Variants in STK32B observed in about 807,000 individuals in gnomAD.
STK32B encodes serine/threonine-protein kinase 32B.
A neutral mutation model predicts 52.6 loss-of-function variants in STK32B; 43 were observed. The ratio of observed to expected loss-of-function variants is 0.82; its 90% CI spans 0.64 to 1.05. The LOEUF (loss-of-function observed/expected upper bound fraction) is 1.05, where lower values mean the gene tolerates loss of function less well. Ranked by LOEUF, STK32B falls within the 50% of genes least tolerant of loss-of-function variation. STK32B has a pLI of 0.00. For synonymous variants in STK32B, 238 were observed against 204.3 expected (o/e 1.17, Z -1.41); for missense variants, 621 against 534.6 (o/e 1.16, Z -1.59).
intron 3 of STK32B, among the ~76,000 whole-genome samples, chr4:5,236,953 A>C (rs941884455): frequency 3.9e-5 from 6 of 152,196 alleles, no homozygotes; most frequent in African/African-American, 1.4e-4. Context: ...ACATGCTGTC[A>C]AACATTTTGC....
At chr4:5,231,884 G>A (rs1182402531) in intron 3 of STK32B, among the ~76,000 whole-genome samples, 3 of 152,176 alleles carry the variant, frequency 2.0e-5, no homozygotes, top group Non-Finnish European at 4.4e-5. Context: ...GGAAGGATTA[G>A]CAGAGCCTTG....
At chr4:5,160,577 C>A (rs554122724) in intron 2 of STK32B, among the ~76,000 whole-genome samples, 169 of 152,274 alleles carry the variant, frequency 1.1e-3, no homozygotes, top group South Asian at 4.1e-3. Flanking sequence ...GGTTTAGGAT[C>A]CCCCTTCTGG....
intron 1 of STK32B, among the ~76,000 whole-genome samples, chr4:5,089,737 T>C (rs71260510): frequency 6.6e-6 from 1 of 152,180 alleles, no homozygotes; most frequent in African/African-American, 2.4e-5. Flanking sequence ...GATTGCTGGG[T>C]CAAATGGTAT....
intron 3 of STK32B, among the ~76,000 whole-genome samples, chr4:5,305,546 A>G (rs1267618522): frequency 3.9e-5 from 6 of 152,004 alleles, no homozygotes; most frequent in Non-Finnish European, 8.8e-5. Flanking sequence ...ATCAGTTGTA[A>G]TACCTCCCAT....
In STK32B at chr4:5,416,896, A is replaced by G; in HGVS notation, c.524A>G (p.Glu175Gly). Reference sequence around the variant, plus strand: ...ATAGCGACGGTAGTGAAAGGAGCAGAAAGGGCTTCCTCCATGGCTGGCACC... The same window carrying G: ...ATAGCGACGGTAGTGAAAGGAGCAGGAAGGGCTTCCTCCATGGCTGGCACC... ...FNIATVVKGA[E>G]RASSMAGTKP... Residue 175 changes from glutamate to glycine, a missense_variant, in exon 6 of 12, where the codon GAA (glutamate) becomes GGA (glycine). Physicochemically the swap from Glu to Gly is moderately conservative, Grantham distance 98. Transcript: ENST00000282908. 1.2e-6 allele frequency: 2 copies of G among 1,613,914 alleles called. No individual in the cohort carries two copies. The highest frequency in any genetic ancestry group is 1.7e-6 in the Non-Finnish European group (2 of 1,179,922).
At chr4:5,318,731 G>C (rs929867272) in intron 3 of STK32B, among the ~76,000 whole-genome samples, 1 of 152,162 alleles carries the variant, frequency 6.6e-6, no homozygotes, top group African/African-American at 2.4e-5. Flanking sequence ...CCAGAGCAAA[G>C]AGTTCATTCT....
At chr4:5,145,686 C>A (rs1016726082) in intron 2 of STK32B, among the ~76,000 whole-genome samples, 3 of 151,960 alleles carry the variant, frequency 2.0e-5, no homozygotes, top group African/African-American at 7.2e-5. Context: ...GCATTTTTTG[C>A]TATTGTTTAA....
At chr4:5,354,549 A>C (rs976432014) in intron 4 of STK32B, among the ~76,000 whole-genome samples, 1 of 152,196 alleles carries the variant, frequency 6.6e-6, no homozygotes, top group African/African-American at 2.4e-5. Context: ...TACAGGCGTG[A>C]CCACCACGCC....
chr4:5,258,899 C>T (rs1726516376), intron 3 of STK32B, among the ~76,000 whole-genome samples: 1 of 152,222 alleles, frequency 6.6e-6, no homozygotes, highest in African/African-American at 2.4e-5. Context: ...TTCCAGCAAT[C>T]GTCTATGAGG....
Position 5,354,509 on chromosome 4 carries a change from G to A in STK32B, c.434+23116G>A, listed in dbSNP as rs185701272. Among the ~76,000 whole-genome samples, 28 of 152,234 alleles carry A rather than the reference G, an allele frequency of 1.8e-4. No homozygotes were observed. The East Asian group carries it at 2.9e-3, about 16-fold the overall frequency. On this transcript the variant is annotated intron_variant, in intron 4 of 11. Coordinates refer to ENST00000282908, the MANE Select transcript of STK32B (RefSeq NM_018401.3). Reference sequence around the variant, plus strand: ...TCAAACTCCTGACTTCAGGTGATCCGCCCACCTTGACCTCTCAAAGTGCTG... The same window carrying A: ...TCAAACTCCTGACTTCAGGTGATCCACCCACCTTGACCTCTCAAAGTGCTG...
At chr4:5,441,948 A>T (rs1714817661) in intron 6 of STK32B, among the ~76,000 whole-genome samples, 1 of 127,460 alleles carries the variant, frequency 7.8e-6, no homozygotes, top group Non-Finnish European at 1.6e-5. Flanking sequence ...TTCTAGTTTG[A>T]TTGCACTGTG....
chr4:5,195,808 A>G (rs1020922845), intron 3 of STK32B, among the ~76,000 whole-genome samples: 2 of 152,186 alleles, frequency 1.3e-5, no homozygotes, highest in Non-Finnish European at 2.9e-5. Context: ...TATGTGCACC[A>G]CCTTCCTGTC....
Position 5,398,181 on chromosome 4 carries a change from G to C in STK32B, c.435-26G>C. ...CATCTGTGGGCTCAGGAACCACATTGCCAGCTTCTTTGTTTTCTTTTACAG... is the reference window on the plus strand; with the variant it reads ...CATCTGTGGGCTCAGGAACCACATTCCCAGCTTCTTTGTTTTCTTTTACAG... On this transcript the variant is annotated intron_variant, in intron 4 of 11. Transcript: ENST00000282908. This position sits in a 1 kb window ranked among gnomAD's most constrained non-coding sequence, Gnocchi z 4.9. 6.2e-7 allele frequency: 1 copy of C among 1,613,598 alleles called. No individual in the cohort carries two copies. Among genetic ancestry groups the C allele is most frequent in the Non-Finnish European group, 8.5e-7 (1 of 1,179,844 alleles).
chr4:5,087,587 T>C (rs1332739738), intron 1 of STK32B, among the ~76,000 whole-genome samples: 2 of 151,752 alleles, frequency 1.3e-5, no homozygotes, highest in East Asian at 3.9e-4. Flanking sequence ...GATAGATAGA[T>C]AGATAAATGA....
chr4:5,270,177 A>G (rs6849340), intron 3 of STK32B, among the ~76,000 whole-genome samples: 15,026 of 152,162 alleles, frequency 0.099, 2,053 homozygotes, highest in African/African-American at 0.31. Context: ...AGATGTATAT[A>G]TAAAGAGGAG....
intron 1 of STK32B, among the ~76,000 whole-genome samples, chr4:5,086,958 T>C (rs1218733509): frequency 6.6e-6 from 1 of 152,174 alleles, no homozygotes; most frequent in Non-Finnish European, 1.5e-5. Flanking sequence ...AGAAATGAAA[T>C]GTAAGGATAG....
chr4:5,097,155 G>C (rs1229146268), intron 1 of STK32B, among the ~76,000 whole-genome samples: 1 of 152,120 alleles, frequency 6.6e-6, no homozygotes, highest in African/African-American at 2.4e-5. Flanking sequence ...TCTTGCCCAT[G>C]GTATTTTTGT....
intron 1 of STK32B, among the ~76,000 whole-genome samples, chr4:5,073,531 A>T (rs1711902808): frequency 6.6e-6 from 1 of 151,978 alleles, no homozygotes; most frequent in Admixed American, 6.6e-5. Context: ...AAGAAAAGAA[A>T]AATGTTTTGT....
intron 4 of STK32B, among the ~76,000 whole-genome samples, chr4:5,335,318 A>T (rs534596366): frequency 1.3e-5 from 2 of 151,920 alleles, no homozygotes; most frequent in Non-Finnish European, 1.5e-5. Context: ...GGGATCAGTG[A>T]TGATATCCCC....
Sources: allele counts gnomAD v4.1 joint callset (sites outside exome capture counted in the v4.1 genomes callset), GRCh38; gene constraint gnomAD v4.1.1; non-coding constraint Gnocchi (gnomAD v3.1); transcripts MANE v1.5; gene names NCBI Gene and HGNC (gene_info 2026-07-23, HGNC 2026-07-21).